Variants in UBE2D2 observed in about 807,000 individuals in gnomAD.
UBE2D2 encodes the protein ubiquitin-conjugating enzyme E2 D2.
A neutral mutation model predicts 24.2 loss-of-function variants in UBE2D2; 2 were observed. The observed-to-expected ratio is 0.08, with a 90% CI of 0.03 to 0.26. UBE2D2 has a LOEUF of 0.26. UBE2D2 is among the 10% of genes least tolerant of loss of function. UBE2D2 has a pLI of 1.00. For synonymous variants in UBE2D2, 58 were observed against 56.5 expected (o/e 1.03, Z -0.12); for missense variants, 44 against 177.6 (o/e 0.25, Z 4.28).
Position 139,614,951 on chromosome 5 carries a change from C to T in UBE2D2, c.289C>T (p.Leu97=). Reference sequence around the variant, plus strand: ...TCTACGATCACAGTGGTCTCCAGCACTAACTATTTCAAAAGGTAACAGTGG... The same window carrying T: ...TCTACGATCACAGTGGTCTCCAGCATTAACTATTTCAAAAGGTAACAGTGG... ...DILRSQWSPA[L]TISKVLLSIC... The change falls in exon 5 of 7, where the codon CTA becomes TTA. Residue 97 remains leucine (L), a synonymous_variant. Coordinates refer to ENST00000398733, the MANE Select transcript of UBE2D2 (RefSeq NM_003339.3). The T allele has an allele frequency of 6.2e-7, 1 of 1,612,968 alleles. No homozygotes were observed. Among genetic ancestry groups the T allele is most frequent in the South Asian group, 1.1e-5 (1 of 90,612 alleles).
At chr5:139,541,621 AG>A (rs1278178929) in intron 1 of UBE2D2, among the ~76,000 whole-genome samples, 12 of 148,718 alleles carry the variant, frequency 8.1e-5, no homozygotes, top group African/African-American at 2.2e-4. Flanking sequence ...AAAAAAAAAA[AG>A]GTACACATAG....
chr5:139,594,971 G>A (rs1217803982), intron 1 of UBE2D2, among the ~76,000 whole-genome samples: 1 of 152,140 alleles, frequency 6.6e-6, no homozygotes. Context: ...ACCTAATACA[G>A]TGTAAGTGCT....
intron 1 of UBE2D2, among the ~76,000 whole-genome samples, chr5:139,531,522 A>T (rs1166462508): frequency 6.6e-6 from 1 of 150,972 alleles, no homozygotes; most frequent in African/African-American, 2.4e-5. Flanking sequence ...CCCTTCTACA[A>T]CTCGGTGTCT....
chr5:139,600,233 C>A, intron 1 of UBE2D2, 139 bp from the exon 2 acceptor site: 1 of 907,444 alleles, frequency 1.1e-6, no homozygotes, highest in Non-Finnish European at 1.8e-6. Flanking sequence ...CACCAATCTA[C>A]TCATCTCTTA....
rs33998713 is a variant in UBE2D2, at chr5:139,567,529, GT to G, written c.24+5736del. Among the ~76,000 whole-genome samples, 665 of 100,128 alleles carry G rather than the reference GT, an allele frequency of 6.6e-3. 3 individuals carry two copies. The highest frequency in any genetic ancestry group is 0.024 in the African/African-American group (549 of 23,320). The allele number at this position is 100,128 out of a possible 152,430, so 65.7% of individuals were successfully genotyped here. On this transcript the variant is annotated intron_variant, in intron 1 of 6. Transcript: ENST00000398733. ...CCACTGCACCCAGCCAATTTGCTAA[GT>G]TTTTTTTTTTTTTTTTTTTTTGAGA...
intron 5 of UBE2D2, among the ~76,000 whole-genome samples, chr5:139,621,556 G>A (rs1581534834): frequency 6.6e-6 from 1 of 152,040 alleles, no homozygotes; most frequent in Non-Finnish European, 1.5e-5. Context: ...GCCTGCCACT[G>A]GAAAACAGTG....
chr5:139,607,081 G>T (rs1754216226), intron 2 of UBE2D2, among the ~76,000 whole-genome samples: 1 of 152,232 alleles, frequency 6.6e-6, no homozygotes, highest in Admixed American at 6.5e-5. Context: ...TGGGATTACA[G>T]GCGTGAGCCA....
chr5:139,626,072 T>C (rs867524673), intron 6 of UBE2D2, among the ~76,000 whole-genome samples: 2 of 151,940 alleles, frequency 1.3e-5, no homozygotes, highest in African/African-American at 2.4e-5. Context: ...TGGTTTTTTT[T>C]CCCCCTTTTT....
At chr5:139,590,651 A>G (rs1753824042) in intron 1 of UBE2D2, among the ~76,000 whole-genome samples, 1 of 151,958 alleles carries the variant, frequency 6.6e-6, no homozygotes, top group African/African-American at 2.4e-5. Flanking sequence ...TGGGAATGAT[A>G]AACACTGTAT....
chr5:139,616,055 C>T (rs1001506029), intron 5 of UBE2D2, among the ~76,000 whole-genome samples: 1 of 150,828 alleles, frequency 6.6e-6, no homozygotes, highest in Non-Finnish European at 1.5e-5. Flanking sequence ...AGGCTGGTCT[C>T]GAACGCCTGA....
At chr5:139,539,018 G>T (rs1397736114) in intron 1 of UBE2D2, among the ~76,000 whole-genome samples, 2 of 152,206 alleles carry the variant, frequency 1.3e-5, no homozygotes, top group African/African-American at 4.8e-5. Flanking sequence ...TTACGTGACT[G>T]AGAAAAGTCA....
chr5:139,567,243 G>A (rs989307188), intron 1 of UBE2D2, among the ~76,000 whole-genome samples: 1 of 151,990 alleles, frequency 6.6e-6, no homozygotes, highest in African/African-American at 2.4e-5. Context: ...GAGACTACAA[G>A]CTCGCACCAC....
At chr5:139,593,562 G>A (rs1482323726) in intron 1 of UBE2D2, among the ~76,000 whole-genome samples, 1 of 151,726 alleles carries the variant, frequency 6.6e-6, no homozygotes, top group Non-Finnish European at 1.5e-5. Context: ...ACACAAATAG[G>A]TATTGATGTA....
At chr5:139,546,077 C>T (rs1752821869) in intron 1 of UBE2D2, among the ~76,000 whole-genome samples, 2 of 151,588 alleles carry the variant, frequency 1.3e-5, no homozygotes, top group Non-Finnish European at 2.9e-5. Flanking sequence ...CAGTTCTGCT[C>T]TTGTGACCCA....
At chr5:139,602,499 A>G (rs1355655361) in intron 2 of UBE2D2, among the ~76,000 whole-genome samples, 2 of 152,018 alleles carry the variant, frequency 1.3e-5, no homozygotes, top group African/African-American at 4.8e-5. Flanking sequence ...CAACATGGTG[A>G]AACCCTCTCT....
upstream of UBE2D2, among the ~76,000 whole-genome samples, chr5:139,556,272 G>A (rs975656182): frequency 7.9e-5 from 12 of 151,028 alleles, no homozygotes; most frequent in South Asian, 6.3e-4. Flanking sequence ...TTAGCTGGGC[G>A]TGGTGGTGCA....
intron 1 of UBE2D2, among the ~76,000 whole-genome samples, chr5:139,541,825 G>C (rs939160329): frequency 1.3e-5 from 2 of 152,056 alleles, no homozygotes; most frequent in African/African-American, 4.8e-5. Flanking sequence ...GCTGAGGATG[G>C]CGGATCACTG....
intron 6 of UBE2D2, among the ~76,000 whole-genome samples, chr5:139,624,122 A>C (rs1754569361): frequency 6.6e-6 from 1 of 152,300 alleles, no homozygotes; most frequent in Non-Finnish European, 1.5e-5. Flanking sequence ...AAGAGAATTG[A>C]TTTCCTACCA....
At chr5:139,624,431 A>G (rs1263839661) in intron 6 of UBE2D2, among the ~76,000 whole-genome samples, 1 of 152,188 alleles carries the variant, frequency 6.6e-6, no homozygotes, top group African/African-American at 2.4e-5. Flanking sequence ...CCCAGCACTA[A>G]TAACATCTGT....
Sources: gnomAD v4.1 joint callset for allele counts (sites outside exome capture counted in the v4.1 genomes callset) on GRCh38, gnomAD v4.1.1 for gene constraint, MANE v1.5 for transcripts, NCBI Gene and HGNC (gene_info 2026-07-23, HGNC 2026-07-21) for gene names.